The following DMD variants were observed in gnomAD, a reference collection of about 807,000 sequenced individuals.
DMD encodes the protein dystrophin.
DMD carries 63 observed loss-of-function variants against 330.1 expected under a neutral mutation model. The ratio of observed to expected loss-of-function variants is 0.19; its 90% CI spans 0.16 to 0.24. The LOEUF is 0.24. Among genes scored for constraint, DMD ranks in the 10% least tolerant of loss-of-function variants. The probability of loss-of-function intolerance (pLI) is 1.00; values close to 1 mark genes in which losing one functional copy is unlikely to be tolerated. For missense variants in DMD, 3,344 were observed against 2,684.1 expected, an observed-to-expected ratio of 1.25 and a Z score of -5.43; for synonymous variants, 1,223 against 959.8, an observed-to-expected ratio of 1.27 and a Z score of -5.07.
chrX:32,429,390 T>A (rs1479751137), intron 29 of DMD, among the ~76,000 whole-genome samples: 15 of 72,636 alleles, frequency 2.1e-4, no homozygotes, highest in African/African-American at 8.6e-4. Flanking sequence ...TTTTTGGGTT[T>A]TTTTTTTTTT....
intron 2 of DMD, among the ~76,000 whole-genome samples, chrX:32,850,742 G>A (rs751953216): frequency 1.8e-5 from 2 of 111,390 alleles, no homozygotes; most frequent in East Asian, 2.8e-4. Flanking sequence ...TCACCAAATC[G>A]TTTTCTGCTT....
chrX:32,027,183 C>CACACACACAG (rs774715155), intron 44 of DMD, among the ~76,000 whole-genome samples: 16,061 of 96,990 alleles, frequency 0.17, 1,297 homozygotes, highest in Non-Finnish European at 0.18. Flanking sequence ...CACACACACA[C>CACACACACAG]AGAGAGAGAG....
chrX:32,289,601 T>C (rs772600829), intron 42 of DMD, among the ~76,000 whole-genome samples: 3 of 111,178 alleles, frequency 2.7e-5, no homozygotes, highest in African/African-American at 9.8e-5. Flanking sequence ...GTAAATAAGC[T>C]AGTCAAAACC....
chrX:31,659,562 C>A (rs1241235542), intron 53 of DMD, among the ~76,000 whole-genome samples: 2 of 100,595 alleles, frequency 2.0e-5, no homozygotes, highest in African/African-American at 7.5e-5. Flanking sequence ...TGCTTGAACC[C>A]AGGAGATGGA....
At chrX:33,117,511 A>C (rs925336290) in intron 1 of DMD, among the ~76,000 whole-genome samples, 6 of 111,583 alleles carry the variant, frequency 5.4e-5, no homozygotes, top group African/African-American at 2.0e-4. Flanking sequence ...ATTATACCTC[A>C]ATAAAGCTGG....
At chrX:31,268,248 A>G (rs1423281656) in intron 62 of DMD, among the ~76,000 whole-genome samples, 2 of 112,106 alleles carry the variant, frequency 1.8e-5, no homozygotes, top group Non-Finnish European at 3.8e-5. Flanking sequence ...TTTTAGGTGG[A>G]AGCACACCCG....
intron 44 of DMD, among the ~76,000 whole-genome samples, chrX:32,201,480 C>G (rs1009596589): frequency 6.3e-5 from 6 of 95,658 alleles, no homozygotes; most frequent in East Asian, 3.2e-4. Context: ...CCCCCCCCCC[C>G]CCCAACAAGG....
chrX:32,774,110 A>G (rs2073909514), intron 7 of DMD, among the ~76,000 whole-genome samples: 1 of 112,256 alleles, frequency 8.9e-6, no homozygotes, highest in African/African-American at 3.2e-5. Context: ...AAGATTAGGG[A>G]TGTCTGAAAT....
chrX:32,337,753 T>C (rs1218301722), intron 41 of DMD, among the ~76,000 whole-genome samples: 1 of 110,989 alleles, frequency 9.0e-6, no homozygotes, highest in Non-Finnish European at 1.9e-5. Flanking sequence ...GGATATGCAA[T>C]AAGTCTTCTA....
chrX:31,442,734 T>A (rs888850712), intron 60 of DMD, among the ~76,000 whole-genome samples: 1 of 111,311 alleles, frequency 9.0e-6, no homozygotes, highest in Non-Finnish European at 1.9e-5. Context: ...TCTTTGGACA[T>A]TTATTACTTT....
At chrX:31,214,447 G>A (rs1486848346) in intron 64 of DMD, among the ~76,000 whole-genome samples, 1 of 112,214 alleles carries the variant, frequency 8.9e-6, no homozygotes, top group Non-Finnish European at 1.9e-5. Context: ...CCCATCATAG[G>A]TTGAAAATAT....
At chrX:32,717,556 C>A in intron 7 of DMD, among the ~76,000 whole-genome samples, 1 of 111,756 alleles carries the variant, frequency 8.9e-6, no homozygotes, top group Non-Finnish European at 1.9e-5. Context: ...CATAGAGAAC[C>A]TCTACTAGGG....
At chrX:31,975,229 G>C (rs1569525814) in intron 44 of DMD, among the ~76,000 whole-genome samples, 1 of 111,721 alleles carries the variant, frequency 9.0e-6, no homozygotes, top group African/African-American at 3.2e-5. Flanking sequence ...AATGCCTTTA[G>C]GTGGGGCATG....
intron 1 of DMD, among the ~76,000 whole-genome samples, chrX:33,217,250 A>G (rs932637424): frequency 3.6e-5 from 4 of 111,538 alleles, no homozygotes; most frequent in Non-Finnish European, 3.8e-5. Context: ...GTTTATAGGC[A>G]CTAGGACCAG....
At chrX:31,659,652 A>T (rs772308418) in intron 53 of DMD, among the ~76,000 whole-genome samples, 1 of 101,618 alleles carries the variant, frequency 9.8e-6, no homozygotes. Flanking sequence ...AAAAAAAAAA[A>T]AAAAAAAAAA....
intron 1 of DMD, among the ~76,000 whole-genome samples, chrX:33,266,000 G>A (rs755944484): frequency 1.5e-4 from 17 of 111,173 alleles, no homozygotes; most frequent in African/African-American, 4.9e-4. Flanking sequence ...GAGAAACACC[G>A]AAGCCCCACT....
intron 63 of DMD, among the ~76,000 whole-genome samples, chrX:31,224,423 C>T (rs927319252): frequency 9.0e-6 from 1 of 111,698 alleles, no homozygotes; most frequent in Non-Finnish European, 1.9e-5. Flanking sequence ...GCCTGAATTT[C>T]AACTAGGGGA....
chrX:32,386,034 C>T (rs1056878572), intron 33 of DMD, among the ~76,000 whole-genome samples: 3 of 109,815 alleles, frequency 2.7e-5, no homozygotes, highest in Non-Finnish European at 5.7e-5. Context: ...CTGAGCGTTA[C>T]GTATTTTTCA....
chrX:33,114,646 C>G (rs1190829277), intron 1 of DMD, among the ~76,000 whole-genome samples: 1 of 111,247 alleles, frequency 9.0e-6, no homozygotes, highest in Non-Finnish European at 1.9e-5. Flanking sequence ...ATAAGAACCT[C>G]CTAGCTCAGA....
Sources: allele counts gnomAD v4.1 joint callset (sites outside exome capture counted in the v4.1 genomes callset), GRCh38; gene constraint gnomAD v4.1.1; transcripts MANE v1.5; gene names NCBI Gene and HGNC (gene_info 2026-07-23, HGNC 2026-07-21).